Variants in MAP2 observed in about 807,000 individuals in gnomAD.
MAP2 encodes the protein microtubule-associated protein 2.
MAP2 carries 14 observed loss-of-function variants against 137.6 expected under a neutral mutation model. That is an observed-to-expected ratio of 0.10 (90% confidence interval 0.07 to 0.16). MAP2 has a LOEUF of 0.16. Ranked by LOEUF, MAP2 falls within the 10% of genes least tolerant of loss-of-function variation. The pLI, the probability that MAP2 is intolerant of heterozygous loss-of-function variation, is 1.00. For synonymous variants in MAP2, 786 were observed against 782.3 expected, an observed-to-expected ratio of 1.00 and a Z score of -0.08; for missense variants, 2,088 against 2,191.5, an observed-to-expected ratio of 0.95 and a Z score of 0.94.
At chr2:209,630,096 C>T (rs1330027069) in intron 4 of MAP2, among the ~76,000 whole-genome samples, 1 of 152,010 alleles carries the variant, frequency 6.6e-6, no homozygotes, top group African/African-American at 2.4e-5. Flanking sequence ...AATGGTGGTC[C>T]AGGCATGGTT....
At chr2:209,668,705 A>C (rs1318760214) in intron 5 of MAP2, among the ~76,000 whole-genome samples, 1 of 152,094 alleles carries the variant, frequency 6.6e-6, no homozygotes, top group Non-Finnish European at 1.5e-5. Context: ...CAGGTCTGGC[A>C]AAAAGTATTT....
At chr2:209,632,250 A>G (rs2093142888) in intron 4 of MAP2, among the ~76,000 whole-genome samples, 1 of 152,160 alleles carries the variant, frequency 6.6e-6, no homozygotes, top group African/African-American at 2.4e-5. Flanking sequence ...CTAGGTACTC[A>G]TCTACATATC....
At chr2:209,513,107 A>T (rs2061968649) in intron 2 of MAP2, among the ~76,000 whole-genome samples, 1 of 152,184 alleles carries the variant, frequency 6.6e-6, no homozygotes, top group Non-Finnish European at 1.5e-5. Context: ...GAAAATGCTA[A>T]TACTCTAATG....
Position 209,693,685 on chromosome 2 carries a change from A to T in MAP2, c.1515A>T (p.Gln505His), listed in dbSNP as rs199806559. 290 of 1,613,606 alleles carry T rather than the reference A, an allele frequency of 1.8e-4. No individual in the cohort carries two copies. Among genetic ancestry groups the T allele is most frequent in the Non-Finnish European group, 2.3e-4 (270 of 1,179,966 alleles). ...KQDSFPVSLE[Q>H]AVTDSAMTSK... is the part of the protein sequence containing the mutation. ...ACTCGTTCCCTGTAAGTTTGGAGCA[A>T]GCAGTTACAGATTCAGCCATGACCT... The change falls in exon 8 of 16, where the codon CAA becomes CAT. Residue 505 changes from glutamine (Q) to histidine (H), a missense_variant. By Grantham distance (24) the Gln-to-His change is conservative (BLOSUM62 0). Around this residue, in one of 6 missense-constraint regions of MAP2, gnomAD observed 859 missense variants for 794.5 expected, o/e 1.08. Transcript: ENST00000682079.
chr2:209,727,305 G>A (rs901840646), intron 14 of MAP2, among the ~76,000 whole-genome samples: 3 of 152,218 alleles, frequency 2.0e-5, no homozygotes, highest in Admixed American at 6.6e-5. Context: ...TTGTACTGCT[G>A]TGTCAACAGC....
At chr2:209,461,686 G>T (rs1041904977) in intron 1 of MAP2, among the ~76,000 whole-genome samples, 1 of 152,054 alleles carries the variant, frequency 6.6e-6, no homozygotes, top group Non-Finnish European at 1.5e-5. Flanking sequence ...CCAACCTCAG[G>T]TGATCCGCCC....
At chr2:209,449,572 T>C (rs1257423301) in intron 1 of MAP2, among the ~76,000 whole-genome samples, 2 of 152,112 alleles carry the variant, frequency 1.3e-5, no homozygotes, top group African/African-American at 4.8e-5. Flanking sequence ...ATATAAAATA[T>C]AGAAATTGAA....
intron 1 of MAP2, among the ~76,000 whole-genome samples, chr2:209,472,720 T>A (rs1242790748): frequency 6.6e-6 from 1 of 151,156 alleles, no homozygotes; most frequent in African/African-American, 2.4e-5. Context: ...CAGAGATGAG[T>A]GGTTAGAACT....
At chr2:209,614,881 T>C (rs149780903) in intron 3 of MAP2, among the ~76,000 whole-genome samples, 165 of 152,270 alleles carry the variant, frequency 1.1e-3, no homozygotes, top group Non-Finnish European at 2.0e-3. Flanking sequence ...CACCCTTAAT[T>C]GTAAACTCTT....
chr2:209,450,896 G>A (rs1208539220), intron 1 of MAP2, among the ~76,000 whole-genome samples: 1 of 152,054 alleles, frequency 6.6e-6, no homozygotes, highest in Non-Finnish European at 1.5e-5. Context: ...GGAAGCTACT[G>A]CAGAATTGTA....
intron 3 of MAP2, among the ~76,000 whole-genome samples, chr2:209,582,681 AGATAGATAGAT>A (rs2076753960): frequency 1.3e-5 from 2 of 151,892 alleles, no homozygotes; most frequent in Non-Finnish European, 2.9e-5. Context: ...ATAGATAGAT[AGATAGATAGAT>A]AGATAGATAG....
chr2:209,657,210 G>T (rs1273144572), intron 5 of MAP2, among the ~76,000 whole-genome samples: 1 of 152,062 alleles, frequency 6.6e-6, no homozygotes, highest in Non-Finnish European at 1.5e-5. Flanking sequence ...CCATACCTTT[G>T]CTATTGTGAA....
chr2:209,471,649 C>T (rs1277475068), intron 1 of MAP2, among the ~76,000 whole-genome samples: 6 of 151,376 alleles, frequency 4.0e-5, no homozygotes, highest in African/African-American at 7.3e-5. Flanking sequence ...CCCCCACCCC[C>T]GGCACTTAAT....
At chr2:209,530,748 G>A (rs1019278705) in intron 2 of MAP2, among the ~76,000 whole-genome samples, 2 of 152,032 alleles carry the variant, frequency 1.3e-5, no homozygotes, top group African/African-American at 4.8e-5. Flanking sequence ...AGTAATAGAG[G>A]TATTCACCTT....
intron 3 of MAP2, among the ~76,000 whole-genome samples, chr2:209,594,035 C>A (rs1232257512): frequency 2.1e-5 from 3 of 143,484 alleles, no homozygotes; most frequent in African/African-American, 2.6e-5. Flanking sequence ...GTAGTCCCAG[C>A]CACTTGACAG....
chr2:209,624,140 G>C (rs2091849740), intron 3 of MAP2, among the ~76,000 whole-genome samples: 1 of 152,084 alleles, frequency 6.6e-6, no homozygotes, highest in African/African-American at 2.4e-5. Context: ...GCATTTCCTA[G>C]TGGGTCTTAA....
chr2:209,732,780 AGG>A lies in MAP2; in HGVS notation c.*2384_*2385del, dbSNP rs2075942553. 6.6e-6 allele frequency: 1 copy of A among 152,666 alleles called. No individual in the cohort carries two copies. Among genetic ancestry groups the A allele is most frequent in the Admixed American group, 6.5e-5 (1 of 15,288 alleles). 9.5% of individuals were successfully genotyped at this position (152,666 alleles called of 1,614,324 possible). A position where few individuals can be genotyped will look rare whatever the true frequency, so the allele number is the denominator to read the frequency against. Reference sequence around the variant, plus strand: ...ACATGTCAAAAATAAAGATTATACAAGGCACCAAACTACTAGATTTGGCATTA... The same window carrying A: ...ACATGTCAAAAATAAAGATTATACAACACCAAACTACTAGATTTGGCATTA... On this transcript the variant is annotated 3_prime_UTR_variant, in exon 16 of 16. Coordinates refer to ENST00000682079, the MANE Select transcript of MAP2 (RefSeq NM_001375505.1).
chr2:209,636,379 C>T (rs887238426), intron 4 of MAP2, among the ~76,000 whole-genome samples: 5 of 152,026 alleles, frequency 3.3e-5, no homozygotes, highest in African/African-American at 1.2e-4. Flanking sequence ...AAAGTTCTTC[C>T]TACTGGCCTA....
intron 2 of MAP2, among the ~76,000 whole-genome samples, chr2:209,566,448 G>A (rs1268733147): frequency 6.6e-6 from 1 of 152,160 alleles, no homozygotes; most frequent in African/African-American, 2.4e-5. Context: ...TCTTTCAAGT[G>A]CCTCAGCCTG....
Sources: allele counts gnomAD v4.1 joint callset (sites outside exome capture counted in the v4.1 genomes callset), GRCh38; gene constraint gnomAD v4.1.1; regional missense constraint gnomAD v4.1.1; transcripts MANE v1.5; gene names NCBI Gene and HGNC (gene_info 2026-07-23, HGNC 2026-07-21).